MYO6: variants seen among roughly 807,000 people sequenced by gnomAD.
MYO6 encodes the protein myosin VI, also known as unconventional myosin-VI.
In MYO6, 74 loss-of-function variants were observed where a neutral mutation model predicts 178.7. The ratio of observed to expected loss-of-function variants is 0.41; its 90% CI spans 0.34 to 0.50. The LOEUF (loss-of-function observed/expected upper bound fraction) is 0.50. MYO6 is among the 20% of genes least tolerant of loss of function. The pLI is 0.09. For synonymous variants in MYO6, 477 were observed against 504.6 expected, an observed-to-expected ratio of 0.95 and a Z score of 0.73; for missense variants, 1,330 against 1,547.4, an observed-to-expected ratio of 0.86 and a Z score of 2.36.
At chr6:75,840,416 C>A (rs1259393980) in intron 7 of MYO6, among the ~76,000 whole-genome samples, 169 bp from the exon 8 acceptor site, 1 of 152,124 alleles carries the variant, frequency 6.6e-6, no homozygotes, top group Admixed American at 6.5e-5. Context: ...CTGCCTCGGC[C>A]TCCCAAAGTG....
chr6:75,828,903 G>A (rs1346453477), intron 4 of MYO6, among the ~76,000 whole-genome samples: 1 of 152,052 alleles, frequency 6.6e-6, no homozygotes, highest in Non-Finnish European at 1.5e-5. Context: ...TCCAGTTTGA[G>A]TATTTTTAAA....
rs1778790677 is a variant in MYO6 at position 75,890,187 on chromosome 6, A to C, written c.2789A>C (p.Gln930Pro). The change falls in exon 26 of 35, where the codon CAA becomes CCA. Residue 930 changes from glutamine to proline, a missense_variant. Around this residue, in one of 3 missense-constraint regions of MYO6, gnomAD observed 601 missense variants for 626.1 expected, o/e 0.96. Coordinates refer to ENST00000369977, the MANE Select transcript of MYO6 (RefSeq NM_004999.4). The stretch of plus-strand genomic sequence containing the variant: ...GAAGCAGAAAGGCTGAGGCGTATTC[A>C]AGAAGAAATGGAAAAGGAAAGAAAA... Reference protein sequence around the residue: ...EEEAERLRRIQEEMEKERKRR... With the variant: ...EEEAERLRRIPEEMEKERKRR... 1.2e-6 allele frequency: 2 copies of C among 1,612,518 alleles called. No homozygotes were observed. The highest frequency in any genetic ancestry group is 1.3e-5 in the African/African-American group (1 of 74,896).
chr6:75,796,670 ATTG>A (rs1349142618), intron 1 of MYO6, among the ~76,000 whole-genome samples: 1 of 136,858 alleles, frequency 7.3e-6, no homozygotes, highest in Non-Finnish European at 1.5e-5. Flanking sequence ...GTCTCACTAT[ATTG>A]CCCATGCTGG....
chr6:75,868,470 TATAA>T (rs1485966996), intron 18 of MYO6, among the ~76,000 whole-genome samples: 4 of 152,088 alleles, frequency 2.6e-5, no homozygotes, highest in Admixed American at 2.0e-4. Context: ...TTTTAGAAAA[TATAA>T]ATAAAGACAT....
At chr6:75,833,889 TG>T (rs1377030552) in intron 6 of MYO6, among the ~76,000 whole-genome samples, 2 of 152,218 alleles carry the variant, frequency 1.3e-5, no homozygotes, top group Non-Finnish European at 2.9e-5. Context: ...TTTGGAATGG[TG>T]GGCTCTATCC....
chr6:75,913,299 A>G (rs1488530668), intron 33 of MYO6, among the ~76,000 whole-genome samples: 1 of 152,210 alleles, frequency 6.6e-6, no homozygotes, highest in East Asian at 1.9e-4. Flanking sequence ...AAAGATTGAT[A>G]TGAATGAAAT....
At chr6:75,759,052 T>C (rs893440033) in intron 1 of MYO6, among the ~76,000 whole-genome samples, 2 of 151,910 alleles carry the variant, frequency 1.3e-5, no homozygotes. Context: ...ATATTTTTAG[T>C]GGAGACGGGG....
At chr6:75,887,901 C>G (rs891123558) in intron 25 of MYO6, among the ~76,000 whole-genome samples, 1 of 151,772 alleles carries the variant, frequency 6.6e-6, no homozygotes, top group East Asian at 1.9e-4. Flanking sequence ...ATGGAGTGAA[C>G]CGGGGGGGCG....
intron 2 of MYO6, among the ~76,000 whole-genome samples, 187 bp from the exon 3 acceptor site, chr6:75,822,595 A>C (rs1162059894): frequency 6.6e-6 from 1 of 152,196 alleles, no homozygotes; most frequent in African/African-American, 2.4e-5. Flanking sequence ...AATAGTAGAT[A>C]ATATTTTTGA....
chr6:75,892,084 C>T (rs1351516880), intron 27 of MYO6, among the ~76,000 whole-genome samples: 1 of 152,206 alleles, frequency 6.6e-6, no homozygotes, highest in African/African-American at 2.4e-5. Context: ...AAGAGTCTCT[C>T]TCCACCCCTA....
chr6:75,788,262 G>A (rs556463958), intron 1 of MYO6, among the ~76,000 whole-genome samples: 11 of 152,136 alleles, frequency 7.2e-5, no homozygotes, highest in Non-Finnish European at 4.4e-5. Context: ...TACTTGGAAG[G>A]CTGAGGCATA....
chr6:75,789,120 C>G (rs1207974873), intron 1 of MYO6, among the ~76,000 whole-genome samples: 5 of 152,160 alleles, frequency 3.3e-5, no homozygotes, highest in Admixed American at 3.3e-4. Context: ...TTACCAACCT[C>G]AAAGTACTTT....
rs762361071 is a variant in MYO6 at position 75,914,177 on chromosome 6, C to G, written c.3554C>G (p.Pro1185Arg). Residue 1185 changes from proline (P) to arginine (R), a missense_variant, in exon 34 of 35, where the codon CCT (proline) becomes CGT (arginine). Pro to Arg is a moderately radical substitution (Grantham distance 103). Transcript: ENST00000369977. ...FIRPADQYKD[P>R]QSKKKGWWYA... ...CGCCCTGCCGACCAGTACAAAGACC[C>G]TCAGAGTAAGAAAAAAGGCTGGTGG... The G allele has an allele frequency of 3.1e-6, 5 of 1,614,032 alleles. No homozygotes were observed. Among genetic ancestry groups the G allele is most frequent in the Non-Finnish European group, 4.2e-6 (5 of 1,180,028 alleles).
At chr6:75,818,710 G>A (rs530635525) in intron 2 of MYO6, among the ~76,000 whole-genome samples, 4 of 152,220 alleles carry the variant, frequency 2.6e-5, no homozygotes, top group African/African-American at 9.6e-5. Flanking sequence ...AAACTATTCT[G>A]TTACTGTAAA....
rs1201495627 is a variant in MYO6, at chr6:75,835,968, T to G, written c.553+12T>G. 6.3e-7 allele frequency: 1 copy of G among 1,580,364 alleles called. No homozygotes were observed. The highest frequency in any genetic ancestry group is 8.7e-7 in the Non-Finnish European group (1 of 1,149,168). On this transcript the variant is annotated intron_variant, in intron 7 of 34. Coordinates refer to ENST00000369977, the MANE Select transcript of MYO6 (RefSeq NM_004999.4). ...CAGAATTGTTGAAGGTATTGCTAAT[T>G]TTTCAGTTGTTACGCGTGTACTGAA...
intron 1 of MYO6, among the ~76,000 whole-genome samples, chr6:75,810,234 C>A (rs919011476): frequency 2.6e-5 from 4 of 152,148 alleles, no homozygotes; most frequent in Non-Finnish European, 5.9e-5. Flanking sequence ...CCAGATCCAT[C>A]CTGGAAATGC....
Position 75,916,809 on chromosome 6 carries a change from A to T in MYO6, c.*1797A>T, listed in dbSNP as rs1021821955. The stretch of plus-strand genomic sequence containing the variant: ...CACTAGATGGAAAATTAAAGAGTTA[A>T]ACATATTTAAATGAGAGAATCTAAT... On this transcript the variant is annotated 3_prime_UTR_variant, in exon 35 of 35. Coordinates refer to ENST00000369977, the MANE Select transcript of MYO6 (RefSeq NM_004999.4). The T allele has an allele frequency of 1.2e-4, 19 of 152,320 alleles. No homozygotes were observed. Among genetic ancestry groups the T allele is most frequent in the African/African-American group, 4.3e-4 (18 of 41,580 alleles). The allele number at this position is 152,320 out of a possible 1,614,324, so 9.4% of individuals were successfully genotyped here.
chr6:75,888,058 G>C (rs932523808), intron 25 of MYO6, among the ~76,000 whole-genome samples: 11 of 151,988 alleles, frequency 7.2e-5, no homozygotes, highest in Admixed American at 5.9e-4. Context: ...GGGAGGCCGA[G>C]GTGGGCGGAT....
chr6:75,874,607 G>T (rs1400179982), intron 20 of MYO6, among the ~76,000 whole-genome samples: 3 of 152,174 alleles, frequency 2.0e-5, no homozygotes, highest in African/African-American at 7.2e-5. Context: ...ATAGTTCTTT[G>T]AAAGCCATCT....
Sources: gnomAD v4.1 joint callset for allele counts (sites outside exome capture counted in the v4.1 genomes callset) on GRCh38, gnomAD v4.1.1 for gene constraint, gnomAD v4.1.1 regional missense constraint, MANE v1.5 for transcripts, NCBI Gene and HGNC (gene_info 2026-07-23, HGNC 2026-07-21) for gene names.